The following GABRB2 variants were observed in gnomAD, a reference collection of about 807,000 sequenced individuals.
GABRB2 encodes gamma-aminobutyric acid receptor subunit beta-2.
A neutral mutation model predicts 54.7 loss-of-function variants in GABRB2; 16 were observed. That is an observed-to-expected ratio of 0.29 (90% CI 0.20 to 0.44). The LOEUF is 0.44. GABRB2 is among the 20% of genes least tolerant of loss of function. The pLI is 1.00. For missense variants in GABRB2, 355 were observed against 644.0 expected (o/e 0.55, Z 4.86); for synonymous variants, 244 against 233.8 (o/e 1.04, Z -0.40).
At chr5:161,462,516 T>G (rs1258840887) in intron 3 of GABRB2, among the ~76,000 whole-genome samples, 2 of 152,190 alleles carry the variant, frequency 1.3e-5, no homozygotes, top group African/African-American at 4.8e-5. Context: ...GAAAGCTACT[T>G]ACACTTCTTT....
intron 5 of GABRB2, among the ~76,000 whole-genome samples, chr5:161,356,949 C>G (rs1430350053): frequency 1.3e-5 from 2 of 152,196 alleles, no homozygotes; most frequent in African/African-American, 2.4e-5. Flanking sequence ...AGGCACTGCA[C>G]TTGGCACTTA....
chr5:161,320,778 A>G (rs549694660), intron 9 of GABRB2, among the ~76,000 whole-genome samples: 2 of 151,994 alleles, frequency 1.3e-5, no homozygotes, highest in South Asian at 2.1e-4. Flanking sequence ...TTCATAGATG[A>G]GTTGATATAT....
At chr5:161,441,206 C>G (rs1185290452) in intron 4 of GABRB2, among the ~76,000 whole-genome samples, 2 of 152,146 alleles carry the variant, frequency 1.3e-5, no homozygotes, top group Non-Finnish European at 2.9e-5. Context: ...TATTTGTAAA[C>G]TGCCCATCTG....
At chr5:161,396,869 A>G in intron 5 of GABRB2, among the ~76,000 whole-genome samples, 1 of 152,208 alleles carries the variant, frequency 6.6e-6, no homozygotes, top group East Asian at 1.9e-4. Context: ...CAACACTTCC[A>G]AATGTAACTT....
chr5:161,497,681 T>A (rs1185598500), intron 3 of GABRB2, among the ~76,000 whole-genome samples: 1 of 152,122 alleles, frequency 6.6e-6, no homozygotes, highest in African/African-American at 2.4e-5. Flanking sequence ...ACCAACATCA[T>A]TCTCTTCACA....
chr5:161,388,086 C>G (rs1050397008), intron 5 of GABRB2, among the ~76,000 whole-genome samples: 11 of 152,086 alleles, frequency 7.2e-5, no homozygotes, highest in African/African-American at 2.7e-4. Flanking sequence ...TCTTAGTTCA[C>G]TTGAAGTAAA....
At chr5:161,348,230 C>T (rs1020851690) in intron 5 of GABRB2, among the ~76,000 whole-genome samples, 3 of 151,940 alleles carry the variant, frequency 2.0e-5, no homozygotes, top group African/African-American at 4.8e-5. Flanking sequence ...GGAATTAAAA[C>T]ATAAATTTAA....
chr5:161,404,894 C>T (rs1438418046), intron 5 of GABRB2, among the ~76,000 whole-genome samples: 1 of 152,130 alleles, frequency 6.6e-6, no homozygotes, highest in Non-Finnish European at 1.5e-5. Flanking sequence ...CCTACAGCTA[C>T]TTAGAGATCA....
chr5:161,488,667 T>C (rs1759001001), intron 3 of GABRB2, among the ~76,000 whole-genome samples: 1 of 151,818 alleles, frequency 6.6e-6, no homozygotes, highest in African/African-American at 2.4e-5. Context: ...CTAAAATTAA[T>C]TTCTCTTCTA....
chr5:161,443,005 T>C (rs900720756), intron 4 of GABRB2, among the ~76,000 whole-genome samples: 11 of 152,118 alleles, frequency 7.2e-5, no homozygotes, highest in African/African-American at 2.7e-4. Context: ...TGGTTTGAAG[T>C]AAATGCTATC....
intron 3 of GABRB2, among the ~76,000 whole-genome samples, chr5:161,471,513 C>A (rs1217181189): frequency 6.6e-6 from 1 of 151,988 alleles, no homozygotes; most frequent in African/African-American, 2.4e-5. Context: ...TAAGATCACC[C>A]ATAAGGGAAA....
At chr5:161,486,498 T>C (rs1359235576) in intron 3 of GABRB2, among the ~76,000 whole-genome samples, 1 of 151,936 alleles carries the variant, frequency 6.6e-6, no homozygotes, top group Non-Finnish European at 1.5e-5. Flanking sequence ...CACTGAAAAA[T>C]GTTCTGATCC....
chr5:161,448,356 G>T lies in GABRB2; in HGVS notation c.458+11268C>A, dbSNP rs1252492946. ...GAGGTTTGCTAGAGACCAGGGATTCGAAGCTGCTCTGAACTATGAGAACAC... is the reference window on the plus strand; with the variant it reads ...GAGGTTTGCTAGAGACCAGGGATTCTAAGCTGCTCTGAACTATGAGAACAC... On this transcript the variant is annotated intron_variant, in intron 4 of 9. Transcript: ENST00000393959. Among the ~76,000 whole-genome samples the T allele has an allele frequency of 2.0e-5, 3 of 152,180 alleles. No individual in the cohort carries two copies. The East Asian group carries it at 5.8e-4, about 30-fold the overall frequency.
chr5:161,350,935 CT>C (rs1754455165), intron 5 of GABRB2, among the ~76,000 whole-genome samples: 1 of 152,038 alleles, frequency 6.6e-6, no homozygotes, highest in African/African-American at 2.4e-5. Flanking sequence ...GGCTTCCCTA[CT>C]TTTGAAATTT....
chr5:161,437,058 A>T (rs1757331098), intron 4 of GABRB2, among the ~76,000 whole-genome samples: 1 of 152,200 alleles, frequency 6.6e-6, no homozygotes, highest in South Asian at 2.1e-4. Flanking sequence ...AAGGCAGTCT[A>T]GGCCATAAGG....
chr5:161,514,045 T>C (rs768133326), intron 3 of GABRB2, among the ~76,000 whole-genome samples: 11 of 152,134 alleles, frequency 7.2e-5, no homozygotes, highest in Non-Finnish European at 1.2e-4. Flanking sequence ...ATGTTTTTCA[T>C]ATAGTTGTAC....
rs545970192 is a variant in GABRB2, at chr5:161,487,423, T to C, written c.238-27579A>G. ...TCTTATTGAATGCTTCCGTGAAAAA[T>C]GCCATGCATGATCAATTGTAAACAT... On this transcript the variant is annotated intron_variant, in intron 3 of 9. Transcript: ENST00000393959. 9.2e-5 allele frequency among the ~76,000 whole-genome samples: 14 copies of C among 151,956 alleles called. No individual in the cohort carries two copies. In the South Asian group the frequency reaches 2.9e-3, roughly 32 times the overall value.
rs1757146047 is a variant in GABRB2, at chr5:161,288,486, A to T, written c.*5595T>A. 1 of 152,616 alleles carries T rather than the reference A, an allele frequency of 6.6e-6. No individual in the cohort carries two copies. The allele number at this position is 152,616 out of a possible 1,614,324, so 9.5% of individuals were successfully genotyped here. ...GTTCAAGAATTACACACTAGCCAACATTATTATATATTTACATGCTGAAAC... is the reference window on the plus strand; with the variant it reads ...GTTCAAGAATTACACACTAGCCAACTTTATTATATATTTACATGCTGAAAC... On this transcript the variant is annotated 3_prime_UTR_variant, in exon 10 of 10. Coordinates refer to ENST00000393959, the MANE Select transcript of GABRB2 (RefSeq NM_001371727.1).
intron 9 of GABRB2, among the ~76,000 whole-genome samples, chr5:161,318,087 T>C (rs187335571): frequency 0.018 from 2,751 of 152,084 alleles, 44 homozygotes; most frequent in Non-Finnish European, 0.031. Context: ...TACTTTCTTA[T>C]ATTTTTGACT....
Sources: gnomAD v4.1 joint callset for allele counts (sites outside exome capture counted in the v4.1 genomes callset) on GRCh38, gnomAD v4.1.1 for gene constraint, MANE v1.5 for transcripts, NCBI Gene and HGNC (gene_info 2026-07-23, HGNC 2026-07-21) for gene names.